Variants in TRIM72 observed in about 807,000 individuals in gnomAD.
TRIM72 encodes tripartite motif-containing protein 72.
Under a neutral mutation model 31.6 loss-of-function variants are expected in TRIM72, and 33 were observed. That is an observed-to-expected ratio of 1.04 (90% CI 0.79 to 1.40). The LOEUF (loss-of-function observed/expected upper bound fraction) is 1.40, where lower values mean the gene tolerates loss of function less well. Among genes scored for constraint, TRIM72 ranks in the 40% most tolerant of loss-of-function variants. TRIM72 has a pLI of 0.00. For synonymous variants in TRIM72, 301 were observed against 314.4 expected, an observed-to-expected ratio of 0.96 and a Z score of 0.45; for missense variants, 666 against 682.7, an observed-to-expected ratio of 0.98 and a Z score of 0.27.
At chr16:31,220,746 C>G in intron 4 of TRIM72, 150 bp from the exon 5 acceptor site, 1 of 1,022,482 alleles carries the variant, frequency 9.8e-7, no homozygotes, top group Non-Finnish European at 1.5e-6. Context: ...GTTGAGATTA[C>G]AGGCATGAGC....
intron 2 of TRIM72, chr16:31,217,227 G>C: frequency 1.7e-6 from 1 of 600,282 alleles, no homozygotes; most frequent in Non-Finnish European, 2.9e-6. Flanking sequence ...CCCTGGGAGA[G>C]TGGGGGCGCC....
In TRIM72 at chr16:31,224,350, C is replaced by G; in HGVS notation, c.1029C>G (p.Gly343=). 1 of 1,578,780 alleles carries G rather than the reference C, an allele frequency of 6.3e-7. No homozygotes were observed. The highest frequency in any genetic ancestry group is 8.6e-7 in the Non-Finnish European group (1 of 1,166,442). ...AVVAHQQLSE[G]EHYWEVDVGD... ...TGGCGCACCAGCAGCTCTCCGAGGG[C>G]GAGCACTACTGGGAGGTGGATGTTG... Residue 343 remains glycine (G), a synonymous_variant, in exon 7 of 7, where the codon GGC becomes GGG. Transcript: ENST00000322122.
chr16:31,225,097 G>C lies in TRIM72; in HGVS notation c.*342G>C, dbSNP rs1353175901. On this transcript the variant is annotated 3_prime_UTR_variant, in exon 7 of 7. Coordinates refer to ENST00000322122, the MANE Select transcript of TRIM72 (RefSeq NM_001008274.4). ...CCCAGCTAGTTGGGAGGCTGAGGCA[G>C]GATAATTGCTTGAACCCAGGAGGTG... is the stretch of plus-strand genomic sequence containing the variant. 5.6e-6 allele frequency: 1 copy of C among 177,094 alleles called. No homozygotes were observed. Among genetic ancestry groups the C allele is most frequent in the African/African-American group, 2.4e-5 (1 of 42,226 alleles). 11.0% of individuals were successfully genotyped at this position (177,094 alleles called of 1,614,324 possible).
rs750411206 is a variant in TRIM72 at position 31,216,875 on chromosome 16, G to A, written c.390+1747G>A. ...TAGGAGGCGACCAGCTTGTCGGTGAGGTCCACGATATCTAGCTGCCCGAGC... is the reference window on the plus strand; with the variant it reads ...TAGGAGGCGACCAGCTTGTCGGTGAAGTCCACGATATCTAGCTGCCCGAGC... On this transcript the variant is annotated intron_variant, in intron 2 of 6. Coordinates refer to ENST00000322122, the MANE Select transcript of TRIM72 (RefSeq NM_001008274.4). The surrounding 1 kb of genome is among the most constrained non-coding windows in gnomAD (Gnocchi z 6.7). 1.2e-6 allele frequency: 2 copies of A among 1,613,948 alleles called. No homozygotes were observed. Among genetic ancestry groups the A allele is most frequent in the Non-Finnish European group, 8.5e-7 (1 of 1,179,982 alleles).
chr16:31,218,962 G>T, intron 2 of TRIM72, 133 bp from the exon 3 acceptor site: 1 of 767,310 alleles, frequency 1.3e-6, no homozygotes, highest in Admixed American at 2.5e-5. Context: ...GCATGTAAGT[G>T]GGTTTGGGGA....
At chr16:31,220,811 A>G (rs754459372) in intron 4 of TRIM72, 85 bp from the exon 5 acceptor site, 68 of 1,547,754 alleles carry the variant, frequency 4.4e-5, no homozygotes, top group Non-Finnish European at 5.9e-5. Context: ...TGCACTCAGC[A>G]TTCCTAGTTG....
rs748167105 is a variant in TRIM72, at chr16:31,219,535, C to T, written c.717+16C>T. 2.5e-6 allele frequency: 4 copies of T among 1,599,488 alleles called. 1 individual carries two copies. The East Asian group carries it at 6.7e-5, about 27-fold the overall frequency. ...GTTCCTCATGGTGAGCACTGGGTGA[C>T]CCCCCTCCCTGCCTCAGCCCCCTGC... is the stretch of plus-strand genomic sequence containing the variant. On this transcript the variant is annotated intron_variant, in intron 4 of 6. Coordinates refer to ENST00000322122, the MANE Select transcript of TRIM72 (RefSeq NM_001008274.4). The surrounding 1 kb of genome is among the most constrained non-coding windows in gnomAD (Gnocchi z 4.2).
chr16:31,214,806 C>T lies in TRIM72; in HGVS notation c.68C>T (p.Ala23Val). 1 of 1,577,722 alleles carries T rather than the reference C, an allele frequency of 6.3e-7. No homozygotes were observed. The change falls in exon 2 of 7, where the codon GCG becomes GTG. Residue 23 changes from alanine (A) to valine (V), a missense_variant. By Grantham distance (64) the Ala-to-Val change is moderately conservative. Transcript: ENST00000322122. ...CCGCTGTGCCTGCAGCTGTTCGACG[C>T]GCCCGTGACAGCCGAGTGCGGCCAC... The part of the protein sequence containing the change: ...SCPLCLQLFD[A>V]PVTAECGHSF...
chr16:31,214,717 T>A lies in TRIM72; in HGVS notation c.-7-15T>A, dbSNP rs1468072658. The A allele has an allele frequency of 6.4e-7, 1 of 1,551,888 alleles. No individual in the cohort carries two copies. The highest frequency in any genetic ancestry group is 8.6e-7 in the Non-Finnish European group (1 of 1,160,784). ...GCGCCGCGGGGTCCCCCTAACCTAC[T>A]CCTCCTCCACCCAGGCCCGCCATGT... On this transcript the variant is annotated splice_polypyrimidine_tract_variant and intron_variant, in intron 1 of 6. Coordinates refer to ENST00000322122, the MANE Select transcript of TRIM72 (RefSeq NM_001008274.4).
chr16:31,222,920 G>T lies in TRIM72; in HGVS notation c.834G>T (p.Arg278Ser), dbSNP rs2079540577. Residue 278 changes from arginine to serine, a missense_variant, in exon 6 of 7, where the codon AGG (arginine) becomes AGT (serine). Coordinates refer to ENST00000322122, the MANE Select transcript of TRIM72 (RefSeq NM_001008274.4). ...ISDDFKFQVW[R>S]KMFRALMPAL... is the part of the protein sequence containing the mutation. ...ATGACTTCAAATTCCAGGTGTGGAG[G>T]AAGATGTTCCGGGCTCTGATGCCAG... The T allele has an allele frequency of 6.4e-7, 1 of 1,572,404 alleles. No individual in the cohort carries two copies. Among genetic ancestry groups the T allele is most frequent in the African/African-American group, 1.4e-5 (1 of 71,752 alleles).
rs2144192532 is a variant in TRIM72 at position 31,219,013 on chromosome 16, C to A, written c.391-82C>A. On this transcript the variant is annotated intron_variant, in intron 2 of 6. Coordinates refer to ENST00000322122, the MANE Select transcript of TRIM72 (RefSeq NM_001008274.4). The surrounding 1 kb of genome is among the most constrained non-coding windows in gnomAD (Gnocchi z 4.2). The stretch of plus-strand genomic sequence containing the variant: ...AGGAGGAGCTGGCATTGAGGTTGAG[C>A]CACAGAGGGCAGGTTTAGGATGGGA... 2 of 1,321,464 alleles carry A rather than the reference C, an allele frequency of 1.5e-6. No individual in the cohort carries two copies. Among genetic ancestry groups the A allele is most frequent in the Admixed American group, 2.2e-5 (1 of 46,088 alleles). 81.9% of individuals were successfully genotyped at this position (1,321,464 alleles called of 1,614,324 possible).
Position 31,214,946 on chromosome 16 carries a change from C to T in TRIM72, c.208C>T (p.Gln70Ter). 1 of 1,492,244 alleles carries T rather than the reference C, an allele frequency of 6.7e-7. No homozygotes were observed. The highest frequency in any genetic ancestry group is 8.9e-7 in the Non-Finnish European group (1 of 1,129,176). 92.4% of individuals were successfully genotyped at this position (1,492,244 alleles called of 1,614,324 possible). Residue 70 changes from glutamine to a stop codon, truncating the protein, a stop_gained, in exon 2 of 7, where the codon CAG becomes TAG. Transcript: ENST00000322122. LOFTEE classifies it high-confidence loss of function. The stretch of plus-strand genomic sequence containing the variant: ...GCCGCAGGCACTCAGCACCAACCTG[C>T]AGCTGGCGCGCCTGGTGGAGGGGCT... ...TRPQALSTNL[Q>*]LARLVEGLAQ...
At position 31,221,017 on chromosome 16, in the gene TRIM72, G is replaced by A. The variant is rs1348182194; in HGVS notation, c.740+99G>A. 5 of 1,466,698 alleles carry A rather than the reference G, an allele frequency of 3.4e-6. No individual in the cohort carries two copies. In the South Asian group the frequency reaches 4.5e-5, roughly 13 times the overall value. 90.9% of individuals were successfully genotyped at this position (1,466,698 alleles called of 1,614,324 possible). On this transcript the variant is annotated intron_variant, in intron 5 of 6. Coordinates refer to ENST00000322122, the MANE Select transcript of TRIM72 (RefSeq NM_001008274.4). ...CACTCACTATTGTGCCTGCACACCC[G>A]CAATTCAGTCTGCTGCCCCACCCCT... is the stretch of plus-strand genomic sequence containing the variant.
chr16:31,219,579 A>G lies in TRIM72; in HGVS notation c.717+60A>G, dbSNP rs1322579027. On this transcript the variant is annotated intron_variant, in intron 4 of 6. Coordinates refer to ENST00000322122, the MANE Select transcript of TRIM72 (RefSeq NM_001008274.4). The surrounding 1 kb of genome is among the most constrained non-coding windows in gnomAD (Gnocchi z 4.2). ...CCCCTGCTCAGGGCCCAGAGACCTC[A>G]TCCCATTGTCAGATAGGCCCAGAGA... 1 of 1,472,944 alleles carries G rather than the reference A, an allele frequency of 6.8e-7. No individual in the cohort carries two copies. Among genetic ancestry groups the G allele is most frequent in the African/African-American group, 1.4e-5 (1 of 70,884 alleles). The allele number at this position is 1,472,944 out of a possible 1,614,324, so 91.2% of individuals were successfully genotyped here.
intron 4 of TRIM72, among the ~76,000 whole-genome samples, chr16:31,220,152 A>G (rs182277077): frequency 1.5e-4 from 22 of 151,346 alleles, no homozygotes; most frequent in Admixed American, 1.4e-3. Context: ...GGCTCAAGCA[A>G]TCCTCCAATC....
chr16:31,218,542 G>A (rs905021810), intron 2 of TRIM72, among the ~76,000 whole-genome samples: 4 of 152,052 alleles, frequency 2.6e-5, no homozygotes, highest in Admixed American at 6.6e-5. Context: ...TTAGCCAGGC[G>A]TGGTGGTGCA....
Position 31,216,756 on chromosome 16 carries a change from C to T in TRIM72, c.390+1628C>T, listed in dbSNP as rs1387784675. Reference sequence around the variant, plus strand: ...GAGATCACGTACCAGCTCAGAGTGGCCCTCACGCAGCCCGCTGCAGCCGTG... The same window carrying T: ...GAGATCACGTACCAGCTCAGAGTGGTCCTCACGCAGCCCGCTGCAGCCGTG... On this transcript the variant is annotated intron_variant, in intron 2 of 6. Coordinates refer to ENST00000322122, the MANE Select transcript of TRIM72 (RefSeq NM_001008274.4). This position sits in a 1 kb window ranked among gnomAD's most constrained non-coding sequence, Gnocchi z 6.7. 6.3e-7 allele frequency: 1 copy of T among 1,598,166 alleles called. No individual in the cohort carries two copies. Among genetic ancestry groups the T allele is most frequent in the Non-Finnish European group, 8.6e-7 (1 of 1,169,372 alleles).
intron 6 of TRIM72, among the ~76,000 whole-genome samples, 159 bp downstream of exon 6, chr16:31,223,104 T>C (rs570900636): frequency 2.0e-5 from 3 of 152,088 alleles, no homozygotes; most frequent in Admixed American, 6.5e-5. Context: ...CTCTAACCTG[T>C]GTTGGGAGGA....
chr16:31,220,863 C>T, intron 4 of TRIM72, 33 bp from the exon 5 acceptor site: 4 of 1,614,188 alleles, frequency 2.5e-6, no homozygotes, highest in Non-Finnish European at 3.4e-6. Flanking sequence ...CCACCATCGG[C>T]TTCACCACCA....
Sources: gnomAD v4.1 joint callset for allele counts (sites outside exome capture counted in the v4.1 genomes callset) on GRCh38, gnomAD v4.1.1 for gene constraint, Gnocchi (gnomAD v3.1) non-coding constraint, MANE v1.5 for transcripts, NCBI Gene and HGNC (gene_info 2026-07-23, HGNC 2026-07-21) for gene names.